BCL7A: variants seen among roughly 807,000 people sequenced by gnomAD.
BCL7A encodes the protein BAF chromatin remodeling complex subunit BCL7A.
Under a neutral mutation model 28.4 loss-of-function variants are expected in BCL7A, and 11 were observed. The ratio of observed to expected loss-of-function variants is 0.39; its 90% confidence interval spans 0.24 to 0.64. The LOEUF (loss-of-function observed/expected upper bound fraction) is 0.64, where lower values mean the gene tolerates loss of function less well. BCL7A is among the 30% of genes least tolerant of loss of function. The pLI is 0.50. For missense variants in BCL7A, 222 were observed against 274.8 expected, an observed-to-expected ratio of 0.81 and a Z score of 1.36; for synonymous variants, 123 against 103.3, an observed-to-expected ratio of 1.19 and a Z score of -1.15.
intron 4 of BCL7A, among the ~76,000 whole-genome samples, chr12:122,054,042 C>G (rs745717030): frequency 2.0e-5 from 3 of 152,086 alleles, no homozygotes; most frequent in Non-Finnish European, 4.4e-5. Context: ...TTTCTGTTTC[C>G]TGCAATGGTC....
chr12:122,029,187 G>C lies in BCL7A; in HGVS notation c.93-1513G>C, dbSNP rs576358975. 7.9e-4 allele frequency among the ~76,000 whole-genome samples: 120 copies of C among 152,282 alleles called. No individual in the cohort carries two copies. Among genetic ancestry groups the C allele is most frequent in the African/African-American group, 2.7e-3 (112 of 41,558 alleles). On this transcript the variant is annotated intron_variant, in intron 1 of 5. Coordinates refer to ENST00000261822, the MANE Select transcript of BCL7A (RefSeq NM_001024808.3). This position sits in a 1 kb window ranked among gnomAD's most constrained non-coding sequence, Gnocchi z 4.3. Reference sequence around the variant, plus strand: ...GTTGCCATTTCCTGCCGGATGAGCCGGCACAGTCCTTGGTACATAGAAGGC... The same window carrying C: ...GTTGCCATTTCCTGCCGGATGAGCCCGCACAGTCCTTGGTACATAGAAGGC...
rs1234674411 is a variant in BCL7A, at chr12:122,030,733, C to T, written c.126C>T (p.Ser42=). Residue 42 remains serine, a synonymous_variant, in exon 2 of 6, where the codon TCC becomes TCT. Transcript: ENST00000261822. ...AATGGGTGACCGTTGGTGACACATC[C>T]CTACGAATCTACAAATGGGTCCCTG... ...EKKWVTVGDT[S]LRIYKWVPVT... The T allele has an allele frequency of 1.9e-6, 3 of 1,614,132 alleles. No individual in the cohort carries two copies. The highest frequency in any genetic ancestry group is 1.3e-5 in the African/African-American group (1 of 75,042).
intron 1 of BCL7A, among the ~76,000 whole-genome samples, chr12:122,028,072 C>G (rs1235868723): frequency 6.6e-6 from 1 of 152,162 alleles, no homozygotes; most frequent in East Asian, 1.9e-4. Context: ...TAAACTTGAG[C>G]TCCATGGCCC....
chr12:122,025,134 T>A (rs1883588663), intron 1 of BCL7A, among the ~76,000 whole-genome samples: 1 of 152,020 alleles, frequency 6.6e-6, no homozygotes, highest in Admixed American at 6.6e-5. Context: ...GGCCAGGGTT[T>A]GGGGGCCCTG....
chr12:122,055,620 T>C (rs995607679), intron 5 of BCL7A, among the ~76,000 whole-genome samples: 1 of 152,152 alleles, frequency 6.6e-6, no homozygotes, highest in African/African-American at 2.4e-5. Context: ...GTAAATCCTC[T>C]AGACTTTTTT....
At chr12:122,025,086 A>G (rs1883586974) in intron 1 of BCL7A, among the ~76,000 whole-genome samples, 1 of 152,150 alleles carries the variant, frequency 6.6e-6, no homozygotes, top group Admixed American at 6.5e-5. Flanking sequence ...AGATGGCTAA[A>G]GGGAAAACAA....
chr12:122,035,251 A>G (rs1300025018), intron 2 of BCL7A, 80 bp from the exon 3 acceptor site: 8 of 1,321,176 alleles, frequency 6.1e-6, no homozygotes, highest in Non-Finnish European at 8.6e-6. Context: ...AAATATTCAC[A>G]CCACTCCCCA....
chr12:122,036,874 A>AT (rs1366575493), intron 3 of BCL7A, among the ~76,000 whole-genome samples: 6 of 151,926 alleles, frequency 3.9e-5, no homozygotes, highest in Admixed American at 6.6e-5. Context: ...TGCCTGGCTA[A>AT]TTTTTTTGTA....
chr12:122,029,569 C>T lies in BCL7A; in HGVS notation c.93-1131C>T, dbSNP rs1032842398. Among the ~76,000 whole-genome samples, 1 of 152,222 alleles carries T rather than the reference C, an allele frequency of 6.6e-6. No individual in the cohort carries two copies. The highest frequency in any genetic ancestry group is 1.5e-5 in the Non-Finnish European group (1 of 68,042). On this transcript the variant is annotated intron_variant, in intron 1 of 5. Coordinates refer to ENST00000261822, the MANE Select transcript of BCL7A (RefSeq NM_001024808.3). This position sits in a 1 kb window ranked among gnomAD's most constrained non-coding sequence, Gnocchi z 4.3. ...AAATTGCTGAGGACTCGGGCAGCTA[C>T]GTCGCCTGTACCAGGGGTGCGCCTG...
Position 122,059,160 on chromosome 12 carries a change from G to A in BCL7A, c.630G>A (p.Met210Ile), listed in dbSNP as rs1245357817. The change falls in exon 6 of 6, where the codon ATG becomes ATA. Residue 210 changes from methionine to isoleucine, a missense_variant. Physicochemically the swap from Met to Ile is conservative, Grantham distance 10. Transcript: ENST00000261822. The surrounding 1 kb of genome is among the most constrained non-coding windows in gnomAD (Gnocchi z 4.0). Reference protein sequence around the residue: ...LEASQQNSEEM With the variant: ...LEASQQNSEEI ...CCTCTCAACAAAACTCCGAAGAGAT[G>A]TAGACGATGCTTTAAAGCCTCCGAT... is the stretch of plus-strand genomic sequence containing the variant. 1 of 1,610,644 alleles carries A rather than the reference G, an allele frequency of 6.2e-7. No individual in the cohort carries two copies. Among genetic ancestry groups the A allele is most frequent in the South Asian group, 1.1e-5 (1 of 91,008 alleles).
chr12:122,039,861 T>C (rs186447290), intron 3 of BCL7A, among the ~76,000 whole-genome samples: 94 of 151,540 alleles, frequency 6.2e-4, no homozygotes, highest in African/African-American at 2.2e-3. Context: ...AAAAAAAAAA[T>C]TATTTTACTG....
At chr12:122,054,344 C>A (rs1172158385) in intron 4 of BCL7A, among the ~76,000 whole-genome samples, 1 of 152,220 alleles carries the variant, frequency 6.6e-6, no homozygotes, top group Non-Finnish European at 1.5e-5. Flanking sequence ...GCCTCGGCCT[C>A]CCAAAGTGCT....
At chr12:122,023,673 G>A (rs1883532814) in intron 1 of BCL7A, among the ~76,000 whole-genome samples, 1 of 152,164 alleles carries the variant, frequency 6.6e-6, no homozygotes, top group South Asian at 2.1e-4. Context: ...CCAAGTCGTC[G>A]GTGTCTCGGG....
At chr12:122,036,137 G>A (rs1483309240) in intron 3 of BCL7A, among the ~76,000 whole-genome samples, 1 of 152,058 alleles carries the variant, frequency 6.6e-6, no homozygotes, top group Non-Finnish European at 1.5e-5. Flanking sequence ...CACCGTGCCC[G>A]GCCTCCAAAC....
In BCL7A at chr12:122,061,549, C is replaced by T. The variant is rs556511078; in HGVS notation, c.*2386C>T. On this transcript the variant is annotated 3_prime_UTR_variant, in exon 6 of 6. Coordinates refer to ENST00000261822, the MANE Select transcript of BCL7A (RefSeq NM_001024808.3). ...TCCCTGGCGCAGTCGCTCCTCGAGC[C>T]GCTGCCCCCCACCCACCCTGCACCC... is the stretch of plus-strand genomic sequence containing the variant. 7.7e-4 allele frequency: 176 copies of T among 227,102 alleles called. No individual in the cohort carries two copies. The highest frequency in any genetic ancestry group is 1.2e-3 in the Non-Finnish European group (138 of 114,146). The allele number at this position is 227,102 out of a possible 1,614,324, so 14.1% of individuals were successfully genotyped here.
chr12:122,046,585 G>C (rs1192899370), intron 4 of BCL7A, among the ~76,000 whole-genome samples: 1 of 152,230 alleles, frequency 6.6e-6, no homozygotes, highest in Non-Finnish European at 1.5e-5. Flanking sequence ...CATTGGCAGA[G>C]ATGCAGACAG....
Position 122,021,959 on chromosome 12 carries a change from A to AGT in BCL7A, c.-127_-126dup, listed in dbSNP as rs1340630883. 3,446 of 536,928 alleles carry AGT rather than the reference A, an allele frequency of 6.4e-3. 44 individuals are homozygous for AGT. The highest frequency in any genetic ancestry group is 0.018 in the Middle Eastern group (35 of 1,920). 33.3% of individuals were successfully genotyped at this position (536,928 alleles called of 1,614,324 possible). A position where few individuals can be genotyped will look rare whatever the true frequency, so the allele number is the denominator to read the frequency against. On this transcript the variant is annotated 5_prime_UTR_variant, in exon 1 of 6. Coordinates refer to ENST00000261822, the MANE Select transcript of BCL7A (RefSeq NM_001024808.3). ...GTGTGTGTGTGTGTGTGTGTGTGTG[A>AGT]GTGTGTGCGTGTGAGAGTGCGAGTG...
chr12:122,051,425 G>C (rs1263396868), intron 4 of BCL7A, among the ~76,000 whole-genome samples: 1 of 152,230 alleles, frequency 6.6e-6, no homozygotes, highest in Non-Finnish European at 1.5e-5. Flanking sequence ...TTCAGGGAAT[G>C]ACATAATTCC....
intron 4 of BCL7A, among the ~76,000 whole-genome samples, chr12:122,045,571 T>C (rs1185192641): frequency 6.6e-6 from 1 of 151,946 alleles, no homozygotes; most frequent in Non-Finnish European, 1.5e-5. Flanking sequence ...GTGTGTGTGA[T>C]TGTGTGAATG....
Sources: allele counts gnomAD v4.1 joint callset (sites outside exome capture counted in the v4.1 genomes callset), GRCh38; gene constraint gnomAD v4.1.1; non-coding constraint Gnocchi (gnomAD v3.1); transcripts MANE v1.5; gene names NCBI Gene and HGNC (gene_info 2026-07-23, HGNC 2026-07-21).